The following MACROD2 variants were observed in gnomAD, a reference collection of about 807,000 sequenced individuals.
The protein encoded by MACROD2 is ADP-ribose glycohydrolase MACROD2.
MACROD2 carries 36 observed loss-of-function variants against 70.4 expected under a neutral mutation model. That is an observed-to-expected ratio of 0.51 (90% CI 0.39 to 0.68). The LOEUF (loss-of-function observed/expected upper bound fraction) is 0.68, where lower values mean the gene tolerates loss of function less well. Ranked by LOEUF, MACROD2 falls within the 30% of genes least tolerant of loss-of-function variation. MACROD2 has a pLI of 0.00. For synonymous variants in MACROD2, 172 were observed against 178.8 expected, an observed-to-expected ratio of 0.96 and a Z score of 0.30; for missense variants, 496 against 538.4, an observed-to-expected ratio of 0.92 and a Z score of 0.78.
At chr20:15,844,126 TG>T (rs1290006519) in intron 8 of MACROD2, among the ~76,000 whole-genome samples, 1 of 152,010 alleles carries the variant, frequency 6.6e-6, no homozygotes, top group Non-Finnish European at 1.5e-5. Context: ...ACCTAGAACA[TG>T]TAAATGTTTT....
chr20:14,915,402 T>TG (rs2074079422), intron 5 of MACROD2, among the ~76,000 whole-genome samples: 1 of 152,158 alleles, frequency 6.6e-6, no homozygotes, highest in Non-Finnish European at 1.5e-5. Flanking sequence ...AGAAACTGTT[T>TG]GGGGAAGATG....
chr20:15,392,394 T>A (rs1377158283), intron 6 of MACROD2, among the ~76,000 whole-genome samples: 5 of 152,204 alleles, frequency 3.3e-5, no homozygotes, highest in Non-Finnish European at 7.3e-5. Flanking sequence ...GACACTAATA[T>A]CATATTTAAT....
At chr20:15,889,488 T>G (rs2064862518) in intron 10 of MACROD2, among the ~76,000 whole-genome samples, 1 of 152,194 alleles carries the variant, frequency 6.6e-6, no homozygotes, top group African/African-American at 2.4e-5. Flanking sequence ...TTTACTTTTT[T>G]GCTCCTGTCT....
intron 3 of MACROD2, among the ~76,000 whole-genome samples, chr20:14,285,143 A>G (rs1284389431): frequency 1.3e-5 from 2 of 152,304 alleles, no homozygotes; most frequent in South Asian, 2.1e-4. Context: ...CTTATCTGGA[A>G]TGCTTGGAAC....
intron 15 of MACROD2, among the ~76,000 whole-genome samples, chr20:16,020,130 G>A (rs568005692): frequency 3.9e-5 from 6 of 152,116 alleles, no homozygotes; most frequent in Non-Finnish European, 7.3e-5. Flanking sequence ...CCTTCTGAAT[G>A]ACATTTCTTA....
intron 3 of MACROD2, among the ~76,000 whole-genome samples, chr20:14,187,449 A>AC (rs2081354276): frequency 6.6e-6 from 1 of 152,194 alleles, no homozygotes; most frequent in South Asian, 2.1e-4. Flanking sequence ...AACCAGATAA[A>AC]CCCTTGAATA....
At chr20:15,663,256 G>A (rs1311268051) in intron 8 of MACROD2, among the ~76,000 whole-genome samples, 1 of 134,566 alleles carries the variant, frequency 7.4e-6, no homozygotes, top group African/African-American at 2.9e-5. Flanking sequence ...TTTTTTTTGA[G>A]ACAGAGTCTT....
At chr20:14,803,761 G>A (rs574972234) in intron 5 of MACROD2, among the ~76,000 whole-genome samples, 46 of 152,176 alleles carry the variant, frequency 3.0e-4, no homozygotes, top group African/African-American at 1.0e-3. Context: ...GATTACAGGC[G>A]TGAGCCACGG....
At chr20:15,271,057 C>T (rs1488943701) in intron 6 of MACROD2, among the ~76,000 whole-genome samples, 1 of 152,186 alleles carries the variant, frequency 6.6e-6, no homozygotes, top group Admixed American at 6.5e-5. Context: ...CTTCAGGCCC[C>T]ACAAAATCTA....
intron 3 of MACROD2, among the ~76,000 whole-genome samples, chr20:14,270,062 T>G (rs527264137): frequency 6.6e-6 from 1 of 152,244 alleles, no homozygotes; most frequent in South Asian, 2.1e-4. Flanking sequence ...AGCTGCCACA[T>G]GAAAAATGAC....
At chr20:14,960,557 G>A (rs1369625233) in intron 5 of MACROD2, among the ~76,000 whole-genome samples, 2 of 152,150 alleles carry the variant, frequency 1.3e-5, no homozygotes, top group African/African-American at 2.4e-5. Flanking sequence ...ATGCTGCAAT[G>A]CATCTACCAT....
intron 5 of MACROD2, among the ~76,000 whole-genome samples, chr20:14,745,736 C>G (rs1190508555): frequency 6.6e-6 from 1 of 152,110 alleles, no homozygotes; most frequent in African/African-American, 2.4e-5. Context: ...TACCCCCACC[C>G]AGAGTCTGCC....
At chr20:14,480,393 C>G (rs1299647978) in intron 3 of MACROD2, among the ~76,000 whole-genome samples, 2 of 152,110 alleles carry the variant, frequency 1.3e-5, no homozygotes, top group Non-Finnish European at 1.5e-5. Context: ...TTGGTAGACA[C>G]CACATCTATT....
At chr20:14,905,143 A>G (rs561338520) in intron 5 of MACROD2, 1 of 152,262 alleles carries the variant, frequency 6.6e-6, no homozygotes, top group South Asian at 2.1e-4. Flanking sequence ...AATACCACAG[A>G]GTGATATATG....
chr20:14,247,215 A>G (rs927774632), intron 3 of MACROD2, among the ~76,000 whole-genome samples: 25 of 152,234 alleles, frequency 1.6e-4, no homozygotes, highest in Non-Finnish European at 2.9e-4. Context: ...AATATACACA[A>G]GGTGTGACAT....
intron 3 of MACROD2, among the ~76,000 whole-genome samples, chr20:14,190,814 T>C (rs2081381623): frequency 6.9e-6 from 1 of 145,906 alleles, no homozygotes; most frequent in Admixed American, 6.9e-5. Flanking sequence ...TTCATGCCAT[T>C]CTCCTGCCTC....
intron 6 of MACROD2, among the ~76,000 whole-genome samples, chr20:15,278,661 G>A (rs534464884): frequency 7.2e-5 from 11 of 152,250 alleles, no homozygotes; most frequent in Admixed American, 2.0e-4. Context: ...ATGATTATGT[G>A]TTATTAACTC....
chr20:14,549,485 T>C (rs1978510921), intron 4 of MACROD2, among the ~76,000 whole-genome samples: 1 of 152,204 alleles, frequency 6.6e-6, no homozygotes, highest in South Asian at 2.1e-4. Context: ...TTTAATTGTT[T>C]ATTGCCTTGC....
Position 15,637,739 on chromosome 20 carries a change from C to T in MACROD2, c.645+137892C>T, listed in dbSNP as rs144584447. On this transcript the variant is annotated intron_variant, in intron 8 of 17. Coordinates refer to ENST00000684519, the MANE Select transcript of MACROD2 (RefSeq NM_001351661.2). The stretch of plus-strand genomic sequence containing the variant: ...TGGATAATGAAGGACTGGGGAGCCG[C>T]GGTTGTGGGCTGATACCATGGCAAC... Among the ~76,000 whole-genome samples, 508 of 152,264 alleles carry T rather than the reference C, an allele frequency of 3.3e-3. 2 individuals carry two copies. Among genetic ancestry groups the T allele is most frequent in the Admixed American group, 5.0e-3 (77 of 15,290 alleles).
Sources: allele counts gnomAD v4.1 joint callset (sites outside exome capture counted in the v4.1 genomes callset), GRCh38; gene constraint gnomAD v4.1.1; transcripts MANE v1.5; gene names NCBI Gene and HGNC (gene_info 2026-07-23, HGNC 2026-07-21).